Variants in HOXD3 observed in about 807,000 individuals in gnomAD.
HOXD3 encodes the protein homeobox D3, also known as homeobox protein Hox-D3.
In HOXD3, 13 loss-of-function variants were observed where a neutral mutation model predicts 32.8. That is an observed-to-expected ratio of 0.40 (90% CI 0.26 to 0.63). The LOEUF (loss-of-function observed/expected upper bound fraction) is 0.63. HOXD3 is among the 20% of genes least tolerant of loss of function. The pLI is 0.44. For synonymous variants in HOXD3, 241 were observed against 246.8 expected, an observed-to-expected ratio of 0.98 and a Z score of 0.22; for missense variants, 504 against 577.1, an observed-to-expected ratio of 0.87 and a Z score of 1.30.
intron 1 of HOXD3, among the ~76,000 whole-genome samples, chr2:176,159,235 TG>T (rs1300631911): frequency 3.7e-5 from 2 of 54,258 alleles, no homozygotes; most frequent in African/African-American, 1.4e-4. Flanking sequence ...GTCCTCCGGG[TG>T]GGGGTGGGCT....
chr2:176,153,531 A>G (rs933967742), upstream of HOXD3, among the ~76,000 whole-genome samples: 3 of 152,226 alleles, frequency 2.0e-5, no homozygotes, highest in Non-Finnish European at 4.4e-5. Context: ...GGGTTATTTT[A>G]TGTTTAGATA....
rs1051132967 is a variant in HOXD3 at position 176,161,413 on chromosome 2, T to C, written c.-180-2660T>C. ...AGGGGATTGAGTGCTGGAGGAAATA[T>C]TTGGGGGCTAAATGTGCACTTAGGA... On this transcript the variant is annotated intron_variant, in intron 1 of 3. Coordinates refer to ENST00000683222, the MANE Select transcript of HOXD3 (RefSeq NM_006898.5). 4.6e-5 allele frequency among the ~76,000 whole-genome samples: 7 copies of C among 152,166 alleles called. No homozygotes were observed. In the East Asian group the frequency reaches 5.8e-4, roughly 13 times the overall value.
upstream of HOXD3, among the ~76,000 whole-genome samples, chr2:176,155,542 C>T (rs538731553): frequency 5.6e-4 from 86 of 152,284 alleles, 1 homozygote; most frequent in African/African-American, 2.0e-3. Context: ...CTGGATGGCC[C>T]AGAGTGCAGC....
chr2:176,162,932 G>A (rs919002422), intron 1 of HOXD3, among the ~76,000 whole-genome samples: 2 of 152,174 alleles, frequency 1.3e-5, no homozygotes, highest in East Asian at 1.9e-4. Context: ...ATTATATAAA[G>A]CAGCTACAGG....
chr2:176,153,784 G>GT (rs903419579), upstream of HOXD3, among the ~76,000 whole-genome samples: 41 of 151,996 alleles, frequency 2.7e-4, 1 homozygote, highest in Non-Finnish European at 1.8e-4. Context: ...TTCCACATGT[G>GT]TTTTTTTCAG....
upstream of HOXD3, among the ~76,000 whole-genome samples, chr2:176,156,487 C>T (rs1690646396): frequency 2.0e-5 from 3 of 152,198 alleles, no homozygotes; most frequent in South Asian, 6.2e-4. Flanking sequence ...AGACACCTTA[C>T]TGGTCCCCCA....
At chr2:176,163,804 C>T (rs1690882826) in intron 1 of HOXD3, among the ~76,000 whole-genome samples, 1 of 152,172 alleles carries the variant, frequency 6.6e-6, no homozygotes, top group East Asian at 1.9e-4. Context: ...GCACCTCTGA[C>T]CCACCTGGCT....
rs569127970 is a variant in HOXD3, at chr2:176,170,924, G to T, written c.542-593G>T. On this transcript the variant is annotated intron_variant, in intron 3 of 3. Coordinates refer to ENST00000683222, the MANE Select transcript of HOXD3 (RefSeq NM_006898.5). ...TTTTTTTTGTTTGTTTGTTTGGTTG[G>T]TTTTTTTTTATTTTTTATTTTTTGG... Among the ~76,000 whole-genome samples the T allele has an allele frequency of 4.0e-4, 60 of 151,430 alleles. 1 individual carries two copies. The highest frequency in any genetic ancestry group is 2.1e-3 in the East Asian group (11 of 5,164).
At chr2:176,169,678 T>G in intron 3 of HOXD3, 23 bp downstream of exon 3, 4 of 1,560,442 alleles carry the variant, frequency 2.6e-6, no homozygotes, top group Non-Finnish European at 3.5e-6. Flanking sequence ...GGTGGCCTAC[T>G]GCCAGACCAA....
At chr2:176,165,752 C>A in intron 2 of HOXD3, 1 of 152,190 alleles carries the variant, frequency 6.6e-6, no homozygotes, top group East Asian at 1.9e-4. Flanking sequence ...ACTGGCTCAT[C>A]TTCACCCCAA....
upstream of HOXD3, chr2:176,153,131 T>TGGGAG: frequency 2.9e-6 from 1 of 347,152 alleles, no homozygotes; most frequent in Non-Finnish European, 5.7e-6. Flanking sequence ...GGGATGGGGA[T>TGGGAG]GGGAGGGGGG....
At chr2:176,154,952 T>C (rs891141161), upstream of HOXD3, among the ~76,000 whole-genome samples, 1 of 152,246 alleles carries the variant, frequency 6.6e-6, no homozygotes, top group African/African-American at 2.4e-5. Flanking sequence ...TTTACCGAAG[T>C]TCGGGTAAAT....
rs779317329 is a variant in HOXD3, at chr2:176,169,399, T to A, written c.285T>A (p.Thr95=). The A allele has an allele frequency of 6.2e-7, 1 of 1,613,890 alleles. No homozygotes were observed. Among genetic ancestry groups the A allele is most frequent in the African/African-American group, 1.3e-5 (1 of 74,980 alleles). ...ELNGSCMRPG[T]GNSQGGGGGS... is the part of the protein sequence containing the mutation. ...ATGGCAGCTGCATGCGGCCGGGCAC[T>A]GGGAACAGCCAGGGTGGGGGTGGTG... The change falls in exon 3 of 4, where the codon ACT becomes ACA. Residue 95 remains threonine, a synonymous_variant. Transcript: ENST00000683222.
chr2:176,152,961 C>T (rs1171493914), upstream of HOXD3: 1 of 1,610,164 alleles, frequency 6.2e-7, no homozygotes, highest in South Asian at 1.1e-5. This position sits in a 1 kb window ranked among gnomAD's most constrained non-coding sequence, Gnocchi z 5.2. Flanking sequence ...ACCCTGGGCC[C>T]ATCTCTCCCT....
intron 1 of HOXD3, among the ~76,000 whole-genome samples, chr2:176,159,841 C>T (rs1046783975): frequency 5.1e-4 from 77 of 152,214 alleles, no homozygotes; most frequent in Non-Finnish European, 6.8e-4. Context: ...GGTTGCTGGG[C>T]CTGTGGGATC....
upstream of HOXD3, among the ~76,000 whole-genome samples, chr2:176,156,015 G>A (rs946637074): frequency 6.6e-6 from 1 of 152,124 alleles, no homozygotes; most frequent in Non-Finnish European, 1.5e-5. Context: ...ACTAATTGTT[G>A]CTTGTAGTTT....
upstream of HOXD3, chr2:176,152,705 G>A (rs147639954): frequency 3.2e-5 from 52 of 1,614,198 alleles, no homozygotes; most frequent in African/African-American, 6.7e-4. The surrounding 1 kb of genome is among the most constrained non-coding windows in gnomAD (Gnocchi z 5.2). Flanking sequence ...ATTTTAACAG[G>A]TATCTGACAA....
chr2:176,169,655 G>C lies in HOXD3; in HGVS notation c.541G>C (p.Gly181Arg). 2 of 1,587,572 alleles carry C rather than the reference G, an allele frequency of 1.3e-6. No homozygotes were observed. The highest frequency in any genetic ancestry group is 1.7e-6 in the Non-Finnish European group (2 of 1,164,416). Residue 181 changes from glycine to arginine, a missense_variant and splice_region_variant, in exon 3 of 4, where the codon GGA (glycine) becomes CGA (arginine). Gly to Arg is a moderately radical substitution (Grantham distance 125). This residue lies in a region of HOXD3 where 97 missense variants were observed against 158.0 expected (regional missense o/e 0.61). Coordinates refer to ENST00000683222, the MANE Select transcript of HOXD3 (RefSeq NM_006898.5). Reference sequence around the variant, plus strand: ...GCAGAAGAACAGCTGTGCCACTGCAGGTAGCTCCCTGAGGTGGCCTACTGC... The same window carrying C: ...GCAGAAGAACAGCTGTGCCACTGCACGTAGCTCCCTGAGGTGGCCTACTGC... ...SKQKNSCATA[G>R]ESCEDKSPPG...
chr2:176,160,099 G>T (rs1690749804), intron 1 of HOXD3, among the ~76,000 whole-genome samples: 1 of 152,212 alleles, frequency 6.6e-6, no homozygotes, highest in Non-Finnish European at 1.5e-5. Context: ...ACTGGCCAGA[G>T]CTGAGAGTCG....
Sources: allele counts gnomAD v4.1 joint callset (sites outside exome capture counted in the v4.1 genomes callset), GRCh38; gene constraint gnomAD v4.1.1; regional missense constraint gnomAD v4.1.1; non-coding constraint Gnocchi (gnomAD v3.1); transcripts MANE v1.5; gene names NCBI Gene and HGNC (gene_info 2026-07-23, HGNC 2026-07-21).